ZMYM2: variants seen among roughly 807,000 people sequenced by gnomAD.
The protein encoded by ZMYM2 is zinc finger MYM-type protein 2.
In ZMYM2, 56 loss-of-function variants were observed where a neutral mutation model predicts 162.8. That is an observed-to-expected ratio of 0.34 (90% CI 0.28 to 0.43). The LOEUF (loss-of-function observed/expected upper bound fraction) is 0.43. Ranked by LOEUF, ZMYM2 falls within the 20% of genes least tolerant of loss-of-function variation. ZMYM2 has a pLI of 1.00. For missense variants in ZMYM2, 1,275 were observed against 1,621.8 expected (o/e 0.79, Z 3.67); for synonymous variants, 510 against 541.6 (o/e 0.94, Z 0.81).
the ZMYM2 span, among the ~76,000 whole-genome samples, chr13:19,885,929 G>GTGTATATACACATATATGTGTA: frequency 4.8e-5 from 2 of 41,562 alleles, 1 homozygote; most frequent in Non-Finnish European, 9.3e-5. Flanking sequence ...ATATATATGT[G>GTGTATATACACATATATGTGTA]TATACACATA....
chr13:20,026,473 A>G (rs1952591719), intron 7 of ZMYM2, 139 bp from the exon 8 acceptor site: 2 of 735,524 alleles, frequency 2.7e-6, no homozygotes, highest in Non-Finnish European at 2.1e-6. Flanking sequence ...TTGTATGTAG[A>G]TGAAGACTCA....
At chr13:19,924,961 TGCAACCTCGGCCTCCCAGGTTCA>T in the ZMYM2 span, among the ~76,000 whole-genome samples, 67 of 151,918 alleles carry the variant, frequency 4.4e-4, no homozygotes, top group African/African-American at 1.4e-3. Context: ...CTTGGCTCAC[TGCAACCTCGGCCTCCCAGGTTCA>T]AGTGATTCTC....
the ZMYM2 span, among the ~76,000 whole-genome samples, chr13:19,951,552 AT>A: frequency 4.8e-5 from 7 of 145,004 alleles, no homozygotes; most frequent in African/African-American, 1.8e-4. Context: ...AAAAAAAAAA[AT>A]TTACCGGGGG....
At chr13:19,991,367 A>T (rs555842836) in intron 2 of ZMYM2, among the ~76,000 whole-genome samples, 15 of 151,926 alleles carry the variant, frequency 9.9e-5, no homozygotes, top group Middle Eastern at 3.4e-3. Flanking sequence ...CAGTCCTCCC[A>T]CCTCAGCCTC....
chr13:19,932,439 G>A, the ZMYM2 span, among the ~76,000 whole-genome samples: 1 of 152,128 alleles, frequency 6.6e-6, no homozygotes, highest in Non-Finnish European at 1.5e-5. Flanking sequence ...TTTGAGGTCA[G>A]GAGTTCAAGA....
intron 3 of ZMYM2, among the ~76,000 whole-genome samples, chr13:19,997,003 C>T (rs1950065868): frequency 6.6e-6 from 1 of 152,156 alleles, no homozygotes; most frequent in African/African-American, 2.4e-5. Flanking sequence ...GTGTTAATAG[C>T]CAGCACACAG....
At chr13:20,018,553 C>G (rs774670673) in intron 6 of ZMYM2, among the ~76,000 whole-genome samples, 1 of 152,120 alleles carries the variant, frequency 6.6e-6, no homozygotes, top group Non-Finnish European at 1.5e-5. Context: ...TATCTGTGCT[C>G]TCATTGCTCA....
intron 3 of ZMYM2, among the ~76,000 whole-genome samples, chr13:19,994,454 C>G (rs923411487): frequency 2.6e-5 from 4 of 152,272 alleles, no homozygotes; most frequent in African/African-American, 9.6e-5. Flanking sequence ...AATATAATAG[C>G]ACACTTAAAG....
chr13:20,067,458 G>T, intron 21 of ZMYM2, 68 bp downstream of exon 21: 1 of 1,440,580 alleles, frequency 6.9e-7, no homozygotes, highest in Admixed American at 2.2e-5. Context: ...TCTTGTTTCT[G>T]TAGCATTATG....
At chr13:20,067,185 A>C in intron 20 of ZMYM2, 54 bp from the exon 21 acceptor site, 1 of 1,467,342 alleles carries the variant, frequency 6.8e-7, no homozygotes. Context: ...AAGTTTCTTA[A>C]CCTTAATAAG....
At chr13:19,882,185 C>G in the ZMYM2 span, among the ~76,000 whole-genome samples, 1 of 151,906 alleles carries the variant, frequency 6.6e-6, no homozygotes, top group Non-Finnish European at 1.5e-5. Flanking sequence ...CAGACTTCAT[C>G]AATATTAAAA....
the ZMYM2 span, among the ~76,000 whole-genome samples, chr13:19,919,169 T>G: frequency 6.6e-6 from 1 of 151,920 alleles, no homozygotes. Context: ...GCCTTTGCGA[T>G]CCATCCAAGT....
At position 20,067,308 on chromosome 13, in the gene ZMYM2, A is replaced by G. The variant is rs1288799136; in HGVS notation, c.3371A>G (p.His1124Arg). ...GCTGAGCTTAACTATGGGTTAGCTC[A>G]TTTTGTCAATGAGATCCGACGGCCA... ...TTAELNYGLA[H>R]FVNEIRRPNG... The change falls in exon 21 of 25, where the codon CAT (histidine) becomes CGT (arginine). Residue 1124 changes from histidine (H) to arginine (R), a missense_variant. Around this residue, in one of 10 missense-constraint regions of ZMYM2, gnomAD observed 229 missense variants for 283.8 expected, o/e 0.81. Transcript: ENST00000610343. 1.2e-6 allele frequency: 2 copies of G among 1,605,364 alleles called. No homozygotes were observed. The highest frequency in any genetic ancestry group is 8.5e-7 in the Non-Finnish European group (1 of 1,175,768).
At chr13:19,871,675 CTT>C in the ZMYM2 span, among the ~76,000 whole-genome samples, 1 of 152,154 alleles carries the variant, frequency 6.6e-6, no homozygotes, top group South Asian at 2.1e-4. Flanking sequence ...AAAAAAATCT[CTT>C]TAGCACATAT....
intron 12 of ZMYM2, among the ~76,000 whole-genome samples, chr13:20,040,014 T>C (rs189652093): frequency 1.6e-4 from 25 of 152,314 alleles, no homozygotes; most frequent in African/African-American, 5.8e-4. Context: ...GATTTTGGCG[T>C]TGATGTTCAT....
At chr13:19,985,673 G>A (rs1229474721) in intron 2 of ZMYM2, among the ~76,000 whole-genome samples, 1 of 151,028 alleles carries the variant, frequency 6.6e-6, no homozygotes, top group African/African-American at 2.4e-5. Context: ...CGGCACTCCA[G>A]CCTGGGCAAC....
chr13:19,915,985 G>A, the ZMYM2 span, among the ~76,000 whole-genome samples: 4 of 150,828 alleles, frequency 2.7e-5, no homozygotes, highest in African/African-American at 7.3e-5. Context: ...TCAGCCTCCC[G>A]AGTAGCTGGG....
At chr13:19,981,389 C>T (rs1957314674) in intron 2 of ZMYM2, among the ~76,000 whole-genome samples, 1 of 152,090 alleles carries the variant, frequency 6.6e-6, no homozygotes, top group Admixed American at 6.5e-5. Context: ...TTCAAATTGT[C>T]CTATCTTTGG....
intron 2 of ZMYM2, among the ~76,000 whole-genome samples, chr13:19,976,390 CT>C (rs565939225): frequency 2.6e-3 from 391 of 150,414 alleles, no homozygotes; most frequent in Non-Finnish European, 4.2e-3. Context: ...TGAAATGGTA[CT>C]TTTTTTTTCT....
Sources: gnomAD v4.1 joint callset for allele counts (sites outside exome capture counted in the v4.1 genomes callset) on GRCh38, gnomAD v4.1.1 for gene constraint, gnomAD v4.1.1 regional missense constraint, MANE v1.5 for transcripts, NCBI Gene and HGNC (gene_info 2026-07-23, HGNC 2026-07-21) for gene names.